The following UGT1A6 variants were observed in gnomAD, a reference collection of about 807,000 sequenced individuals.
UGT1A6 encodes UDP-glucuronosyltransferase 1A6.
UGT1A6 carries 32 observed loss-of-function variants against 44.4 expected under a neutral mutation model. The observed-to-expected ratio is 0.72, with a 90% CI of 0.54 to 0.97. UGT1A6 has a LOEUF of 0.97. Among genes scored for constraint, UGT1A6 ranks in the 50% least tolerant of loss-of-function variants. The pLI, the probability that UGT1A6 is intolerant of heterozygous loss-of-function variation, is 0.00. For missense variants in UGT1A6, 685 were observed against 661.9 expected, an observed-to-expected ratio of 1.03 and a Z score of -0.38; for synonymous variants, 238 against 248.5, an observed-to-expected ratio of 0.96 and a Z score of 0.40.
At chr2:233,753,865 C>G (rs560460253) in intron 1 of UGT1A6, among the ~76,000 whole-genome samples, 1 of 152,212 alleles carries the variant, frequency 6.6e-6, no homozygotes. Context: ...CACATAACCC[C>G]AAGGTCTGTC....
At chr2:233,728,109 C>T (rs1053786831) in intron 1 of UGT1A6, among the ~76,000 whole-genome samples, 1 of 152,198 alleles carries the variant, frequency 6.6e-6, no homozygotes, top group African/African-American at 2.4e-5. Flanking sequence ...ATTTAATTCT[C>T]CATCTTGAAA....
At chr2:233,729,664 T>G (rs755209657) in intron 1 of UGT1A6, 35 of 1,613,812 alleles carry the variant, frequency 2.2e-5, no homozygotes, top group Non-Finnish European at 3.0e-5. Context: ...TCCATGTGAT[T>G]TAGACTTTAA....
At chr2:233,737,845 C>A (rs993893058) in intron 1 of UGT1A6, among the ~76,000 whole-genome samples, 6 of 152,132 alleles carry the variant, frequency 3.9e-5, no homozygotes, top group Admixed American at 6.5e-5. Context: ...TGGCACAGGT[C>A]ACTCTTGCTA....
intron 1 of UGT1A6, among the ~76,000 whole-genome samples, chr2:233,724,861 A>T (rs2077325347): frequency 7.8e-6 from 1 of 128,420 alleles, no homozygotes; most frequent in African/African-American, 3.4e-5. Context: ...TGGGAGGTGT[A>T]GGTTGTAGTG....
Position 233,768,074 on chromosome 2 carries a change from G to A in UGT1A6, c.1081+138G>A. ...CCTACATTGCTTTTTATCTAGTGGG[G>A]TATCTCAACCCACATTTTCTTCTGC... On this transcript the variant is annotated intron_variant, in intron 3 of 4. Transcript: ENST00000305139. The A allele has an allele frequency of 5.0e-6, 8 of 1,593,840 alleles. No homozygotes were observed. In the South Asian group the frequency reaches 5.6e-5, roughly 11 times the overall value.
chr2:233,693,404 GA>G lies in UGT1A6; in HGVS notation c.401del (p.Asp134AlafsTer3). 2 of 1,614,158 alleles carry G rather than the reference GA, an allele frequency of 1.2e-6. No individual in the cohort carries two copies. The highest frequency in any genetic ancestry group is 1.7e-6 in the Non-Finnish European group (2 of 1,180,022). On this transcript the variant is annotated frameshift_variant, in exon 1 of 5. Coordinates refer to ENST00000305139, the MANE Select transcript of UGT1A6 (RefSeq NM_001072.4). LOFTEE classifies it high-confidence loss of function. The part of the protein sequence containing the change: ...INCQSLLQDR[D>X]TLNFFKESKF... ...CTGCCAGAGCCTCCTGCAGGACAGGGACACCCTGAACTTCTTTAAGGAGAGC... is the reference window on the plus strand; with the variant it reads ...CTGCCAGAGCCTCCTGCAGGACAGGGCACCCTGAACTTCTTTAAGGAGAGC...
chr2:233,765,727 T>TA (rs1026006694), intron 1 of UGT1A6, among the ~76,000 whole-genome samples: 8 of 150,756 alleles, frequency 5.3e-5, no homozygotes, highest in Non-Finnish European at 1.0e-4. Context: ...ATAATAATAA[T>TA]AATAAATAAA....
intron 1 of UGT1A6, chr2:233,742,090 C>T (rs539350164): frequency 2.6e-5 from 4 of 151,950 alleles, no homozygotes; most frequent in Admixed American, 1.3e-4. Flanking sequence ...TTTTACATTT[C>T]CAGGACCCAC....
At chr2:233,763,486 T>C (rs771875689) in intron 1 of UGT1A6, among the ~76,000 whole-genome samples, 1 of 152,218 alleles carries the variant, frequency 6.6e-6, no homozygotes, top group Non-Finnish European at 1.5e-5. Flanking sequence ...TGATTGTAAC[T>C]CTCTCAGTTT....
intron 1 of UGT1A6, chr2:233,753,090 C>T (rs1182840596): frequency 2.0e-5 from 3 of 152,216 alleles, no homozygotes; most frequent in Non-Finnish European, 4.4e-5. Flanking sequence ...TATTCCTGAA[C>T]GGCTCCATAA....
rs750647558 is a variant in UGT1A6 at position 233,719,225 on chromosome 2, G to A, written c.861+25360G>A. On this transcript the variant is annotated intron_variant, in intron 1 of 4. Coordinates refer to ENST00000305139, the MANE Select transcript of UGT1A6 (RefSeq NM_001072.4). ...GTTGTGTGGAGCTACTGCATAATGA[G>A]GCCCTGATCAGGCACCTGAATGCTA... The A allele has an allele frequency of 4.3e-6, 7 of 1,614,052 alleles. No homozygotes were observed. In the South Asian group the frequency reaches 5.5e-5, roughly 13 times the overall value.
At chr2:233,757,676 T>G (rs986940319) in intron 1 of UGT1A6, among the ~76,000 whole-genome samples, 1 of 151,088 alleles carries the variant, frequency 6.6e-6, no homozygotes, top group African/African-American at 2.4e-5. Flanking sequence ...ATTCAAGGAA[T>G]TCAAGGGATT....
At chr2:233,730,565 C>T (rs28898621) in intron 1 of UGT1A6, among the ~76,000 whole-genome samples, 10,381 of 152,078 alleles carry the variant, frequency 0.068, 502 homozygotes, top group East Asian at 0.2. Context: ...GAATGACACA[C>T]GAAGTTCAGT....
At chr2:233,733,349 A>G (rs2078383878) in intron 1 of UGT1A6, among the ~76,000 whole-genome samples, 1 of 152,106 alleles carries the variant, frequency 6.6e-6, no homozygotes, top group South Asian at 2.1e-4. Flanking sequence ...CAGTATGTTG[A>G]GTAGGAGTGG....
At chr2:233,744,831 G>GCTAGTCTAGCAGAGTAGT (rs1692937900) in intron 1 of UGT1A6, among the ~76,000 whole-genome samples, 2 of 151,816 alleles carry the variant, frequency 1.3e-5, no homozygotes. Context: ...TTTGAGAATC[G>GCTAGTCTAGCAGAGTAGT]CTAGTCTAGC....
At chr2:233,732,639 A>G (rs1283662238) in intron 1 of UGT1A6, among the ~76,000 whole-genome samples, 1 of 151,906 alleles carries the variant, frequency 6.6e-6, no homozygotes, top group Non-Finnish European at 1.5e-5. Context: ...TATTTCTGAG[A>G]CCACTGTTCT....
At chr2:233,763,481 G>T (rs1698320129) in intron 1 of UGT1A6, among the ~76,000 whole-genome samples, 1 of 152,170 alleles carries the variant, frequency 6.6e-6, no homozygotes, top group Non-Finnish European at 1.5e-5. Context: ...AGATTTGATT[G>T]TAACTCTCTC....
chr2:233,729,959 G>A (rs1416622482), intron 1 of UGT1A6: 13 of 1,613,900 alleles, frequency 8.1e-6, no homozygotes, highest in East Asian at 2.2e-5. Flanking sequence ...TTCATTGGGG[G>A]CATCAACTGT....
chr2:233,744,908 A>T (rs1314296999), intron 1 of UGT1A6, among the ~76,000 whole-genome samples: 1 of 151,834 alleles, frequency 6.6e-6, no homozygotes, highest in African/African-American at 2.4e-5. Flanking sequence ...CAAAATCTAG[A>T]TGCTCAAGCT....
Sources: allele counts gnomAD v4.1 joint callset (sites outside exome capture counted in the v4.1 genomes callset), GRCh38; gene constraint gnomAD v4.1.1; transcripts MANE v1.5; gene names NCBI Gene and HGNC (gene_info 2026-07-23, HGNC 2026-07-21).